KCNH1: variants seen among roughly 807,000 people sequenced by gnomAD.
KCNH1 encodes voltage-gated delayed rectifier potassium channel KCNH1.
A neutral mutation model predicts 69.2 loss-of-function variants in KCNH1; 27 were observed. That is an observed-to-expected ratio of 0.39 (90% CI 0.29 to 0.54). The LOEUF (loss-of-function observed/expected upper bound fraction) is 0.54. Among genes scored for constraint, KCNH1 ranks in the 20% least tolerant of loss-of-function variants. The probability of loss-of-function intolerance (pLI) is 0.68; values close to 1 mark genes in which losing one functional copy is unlikely to be tolerated. For synonymous variants in KCNH1, 456 were observed against 487.7 expected (o/e 0.93, Z 0.86); for missense variants, 798 against 1,261.6 (o/e 0.63, Z 5.57).
intron 6 of KCNH1, among the ~76,000 whole-genome samples, chr1:210,934,295 T>C (rs937727093): frequency 1.4e-4 from 22 of 152,152 alleles, no homozygotes; most frequent in Non-Finnish European, 2.9e-4. Context: ...AGGATGAATA[T>C]CCTTAAGTAA....
chr1:210,898,657 C>T (rs1008022071), intron 7 of KCNH1, among the ~76,000 whole-genome samples: 2 of 149,266 alleles, frequency 1.3e-5, no homozygotes, highest in South Asian at 4.2e-4. Context: ...CCGCAAGACC[C>T]CTTGGAGGGG....
At chr1:210,879,595 A>G (rs919208603) in intron 7 of KCNH1, among the ~76,000 whole-genome samples, 1 of 152,118 alleles carries the variant, frequency 6.6e-6, no homozygotes, top group African/African-American at 2.4e-5. Context: ...CTAGGAATAC[A>G]GGGGAACCTC....
Position 211,038,950 on chromosome 1 carries a change from A to G in KCNH1, c.559-19694T>C, listed in dbSNP as rs185993435. Reference sequence around the variant, plus strand: ...GGCTGCAGAAATTTGCATAAGTAGCAAGGAACCTAATATGAATCCCCAAGA... The same window carrying G: ...GGCTGCAGAAATTTGCATAAGTAGCGAGGAACCTAATATGAATCCCCAAGA... On this transcript the variant is annotated intron_variant, in intron 5 of 10. Coordinates refer to ENST00000271751, the MANE Select transcript of KCNH1 (RefSeq NM_172362.3). Among the ~76,000 whole-genome samples the G allele has an allele frequency of 2.4e-3, 364 of 152,360 alleles. 2 individuals carry two copies. The highest frequency in any genetic ancestry group is 6.8e-3 in the Middle Eastern group (2 of 294).
chr1:210,960,031 C>A (rs1688263616), intron 6 of KCNH1, among the ~76,000 whole-genome samples: 1 of 152,186 alleles, frequency 6.6e-6, no homozygotes, highest in Non-Finnish European at 1.5e-5. Context: ...TCCTATTTGG[C>A]CATCTTGGAA....
At chr1:211,132,947 T>C (rs1180581493) in intron 1 of KCNH1, 1 of 152,264 alleles carries the variant, frequency 6.6e-6, no homozygotes, top group East Asian at 1.9e-4. Context: ...CTCTGTTAAG[T>C]CCGAAAGGCG....
chr1:210,743,645 T>C (rs1683086742), intron 10 of KCNH1, among the ~76,000 whole-genome samples: 2 of 152,198 alleles, frequency 1.3e-5, no homozygotes, highest in Non-Finnish European at 2.9e-5. Context: ...ACACAGCCTC[T>C]GGCCTGCCTA....
rs549925215 is a variant in KCNH1, at chr1:210,868,878, T to C, written c.1462+50762A>G. On this transcript the variant is annotated intron_variant, in intron 7 of 10. Transcript: ENST00000271751. ...TTGCATTTATCCATGTATGATGTTT[T>C]TCCTTCATTTGTATAGATCTAAATT... Among the ~76,000 whole-genome samples the C allele has an allele frequency of 2.0e-5, 3 of 152,270 alleles. No individual in the cohort carries two copies. In the South Asian group the frequency reaches 6.2e-4, roughly 32 times the overall value.
intron 7 of KCNH1, chr1:210,860,162 G>C (rs1228163748): frequency 8.6e-7 from 1 of 1,160,714 alleles, no homozygotes; most frequent in Non-Finnish European, 1.3e-6. Flanking sequence ...TCAGACAGAA[G>C]TGTCTTGGTA....
chr1:210,693,109 C>G (rs1681559000), intron 10 of KCNH1, among the ~76,000 whole-genome samples: 1 of 152,176 alleles, frequency 6.6e-6, no homozygotes, highest in African/African-American at 2.4e-5. Context: ...ATGCAAGTGC[C>G]CACACCCGCC....
chr1:210,908,295 T>C lies in KCNH1; in HGVS notation c.1462+11345A>G, dbSNP rs142536190. 5.3e-5 allele frequency among the ~76,000 whole-genome samples: 8 copies of C among 152,338 alleles called. No homozygotes were observed. In the East Asian group the frequency reaches 1.5e-3, roughly 29 times the overall value. On this transcript the variant is annotated intron_variant, in intron 7 of 10. Transcript: ENST00000271751. ...GAAAGAGAAGCAAAGATGGAAGGCT[T>C]AAATCATACATTCAACAAAGTGTTC...
chr1:211,013,378 C>T (rs546915742), intron 6 of KCNH1, among the ~76,000 whole-genome samples: 77 of 152,280 alleles, frequency 5.1e-4, no homozygotes, highest in African/African-American at 1.8e-3. Flanking sequence ...CACACACCTG[C>T]ACCAGTGACC....
chr1:210,882,211 T>A (rs1211681140), intron 7 of KCNH1, among the ~76,000 whole-genome samples: 1 of 152,154 alleles, frequency 6.6e-6, no homozygotes, highest in African/African-American at 2.4e-5. Context: ...AAAATTCTAT[T>A]ATAAAATTTT....
chr1:210,869,703 C>T (rs1686196523), intron 7 of KCNH1, among the ~76,000 whole-genome samples: 2 of 152,066 alleles, frequency 1.3e-5, no homozygotes, highest in African/African-American at 4.8e-5. Context: ...ATTAAGTAGA[C>T]TTTACTCTAG....
chr1:210,983,404 G>T (rs1688756076), intron 6 of KCNH1, among the ~76,000 whole-genome samples: 1 of 152,198 alleles, frequency 6.6e-6, no homozygotes, highest in African/African-American at 2.4e-5. Context: ...ATGGTTTTAG[G>T]TCTAACATAT....
At chr1:210,815,944 C>T (rs994216242) in intron 7 of KCNH1, among the ~76,000 whole-genome samples, 6 of 152,180 alleles carry the variant, frequency 3.9e-5, no homozygotes, top group African/African-American at 1.4e-4. Flanking sequence ...GTTCCAAAAG[C>T]AAAGTGGTAT....
intron 7 of KCNH1, among the ~76,000 whole-genome samples, chr1:210,865,510 G>A (rs767432588): frequency 3.3e-5 from 5 of 151,846 alleles, no homozygotes; most frequent in Admixed American, 1.3e-4. Flanking sequence ...GTAGGAATAA[G>A]GTAGCAAAGA....
At chr1:210,981,412 C>A (rs921991956) in intron 6 of KCNH1, among the ~76,000 whole-genome samples, 4 of 147,032 alleles carry the variant, frequency 2.7e-5, no homozygotes, top group Admixed American at 6.8e-5. Flanking sequence ...CTTATCACAC[C>A]ATGGCTATAT....
intron 3 of KCNH1, among the ~76,000 whole-genome samples, chr1:211,093,463 T>C (rs1242843042): frequency 6.6e-6 from 1 of 152,104 alleles, no homozygotes; most frequent in Non-Finnish European, 1.5e-5. Context: ...TTTTTGTATT[T>C]TTGGTAGAGA....
At chr1:211,092,722 C>A (rs1038612202) in intron 3 of KCNH1, among the ~76,000 whole-genome samples, 1 of 152,046 alleles carries the variant, frequency 6.6e-6, no homozygotes. Flanking sequence ...TTCAATTAAG[C>A]AACAGAAAAC....
Sources: allele counts gnomAD v4.1 joint callset (sites outside exome capture counted in the v4.1 genomes callset), GRCh38; gene constraint gnomAD v4.1.1; transcripts MANE v1.5; gene names NCBI Gene and HGNC (gene_info 2026-07-23, HGNC 2026-07-21).